Variants in BBS9 observed in about 807,000 individuals in gnomAD.
BBS9 encodes the protein protein PTHB1.
Under a neutral mutation model 117.7 loss-of-function variants are expected in BBS9, and 89 were observed. The ratio of observed to expected loss-of-function variants is 0.76; its 90% CI spans 0.64 to 0.90. The LOEUF (loss-of-function observed/expected upper bound fraction) is 0.90, where lower values mean the gene tolerates loss of function less well. Among genes scored for constraint, BBS9 ranks in the 40% least tolerant of loss-of-function variants. The pLI, the probability that BBS9 is intolerant of heterozygous loss-of-function variation, is 0.00. For missense variants in BBS9, 982 were observed against 1,042.2 expected (o/e 0.94, Z 0.80); for synonymous variants, 379 against 370.9 (o/e 1.02, Z -0.25).
At chr7:33,594,519 A>T (rs1862421418) in intron 21 of BBS9, among the ~76,000 whole-genome samples, 1 of 152,076 alleles carries the variant, frequency 6.6e-6, no homozygotes, top group East Asian at 1.9e-4. Flanking sequence ...GGCACTGGAA[A>T]CCTAAGACTA....
chr7:33,285,778 G>A (rs535467105), intron 9 of BBS9, among the ~76,000 whole-genome samples: 1 of 152,132 alleles, frequency 6.6e-6, no homozygotes, highest in South Asian at 2.1e-4. Context: ...AAAAGACCTT[G>A]TAGGAATCAT....
At chr7:33,220,372 C>T (rs7802227) in intron 5 of BBS9, among the ~76,000 whole-genome samples, 3,126 of 152,082 alleles carry the variant, frequency 0.021, 115 homozygotes, top group African/African-American at 0.071. Flanking sequence ...TGACTTTGAC[C>T]CCTTGTTGCT....
chr7:33,152,784 G>A lies in BBS9; in HGVS notation c.196G>A (p.Glu66Lys), dbSNP rs773577974. ...AAAAACAGGAGATGGAGCTCAAGCC[G>A]AAGATTTGCTTCTAGAAGTGGATCT... is the stretch of plus-strand genomic sequence containing the variant. The part of the protein sequence containing the change: ...PAKTGDGAQA[E>K]DLLLEVDLRD... Residue 66 changes from glutamate to lysine, a missense_variant, in exon 3 of 23, where the codon GAA (glutamate) becomes AAA (lysine). Transcript: ENST00000242067. The A allele has an allele frequency of 7.4e-6, 12 of 1,613,530 alleles. No individual in the cohort carries two copies. Among genetic ancestry groups the A allele is most frequent in the South Asian group, 6.6e-5 (6 of 91,070 alleles).
chr7:33,321,964 C>T (rs1171644783), intron 9 of BBS9, among the ~76,000 whole-genome samples: 3 of 151,892 alleles, frequency 2.0e-5, no homozygotes, highest in Non-Finnish European at 4.4e-5. Flanking sequence ...CTTTTTTCAG[C>T]ATCAATCGAA....
chr7:33,477,215 A>G (rs987914315), intron 19 of BBS9, among the ~76,000 whole-genome samples: 4 of 152,222 alleles, frequency 2.6e-5, no homozygotes, highest in African/African-American at 4.8e-5. Flanking sequence ...AGTAATTGGC[A>G]TATCATAAGT....
chr7:33,289,124 C>T (rs993759151), intron 9 of BBS9, among the ~76,000 whole-genome samples: 4 of 152,060 alleles, frequency 2.6e-5, no homozygotes, highest in South Asian at 2.1e-4. Context: ...CAGATTAGTG[C>T]GATTCAATAT....
intron 21 of BBS9, among the ~76,000 whole-genome samples, chr7:33,621,551 G>T (rs1204152717): frequency 3.3e-5 from 5 of 152,142 alleles, no homozygotes; most frequent in Admixed American, 6.5e-5. Flanking sequence ...CGAGAAAGTG[G>T]AGTAAAAGGA....
chr7:33,304,688 C>T (rs1322247221), intron 9 of BBS9, among the ~76,000 whole-genome samples: 6 of 151,384 alleles, frequency 4.0e-5, no homozygotes, highest in East Asian at 2.0e-4. Flanking sequence ...GCGGTTTTGT[C>T]GAAAAGAAAA....
At chr7:33,202,893 A>T (rs778896938) in intron 5 of BBS9, among the ~76,000 whole-genome samples, 32 of 152,222 alleles carry the variant, frequency 2.1e-4, no homozygotes, top group Non-Finnish European at 2.8e-4. Context: ...TCAGCATCTG[A>T]GATAATGTCT....
intron 21 of BBS9, among the ~76,000 whole-genome samples, chr7:33,592,434 C>T (rs1371312287): frequency 6.6e-6 from 1 of 152,030 alleles, no homozygotes; most frequent in Non-Finnish European, 1.5e-5. Flanking sequence ...TTTCTATGAT[C>T]AATGGTTTAG....
chr7:33,525,757 T>G (rs2129048572), intron 20 of BBS9, among the ~76,000 whole-genome samples: 1 of 126,294 alleles, frequency 7.9e-6, no homozygotes, highest in East Asian at 2.3e-4. Flanking sequence ...CATTTAAAGT[T>G]AATATTGTTA....
At chr7:33,431,538 G>T (rs1235151862) in intron 19 of BBS9, among the ~76,000 whole-genome samples, 1 of 152,156 alleles carries the variant, frequency 6.6e-6, no homozygotes, top group African/African-American at 2.4e-5. Context: ...TAGGATCAGT[G>T]CCTCCATAAG....
chr7:33,371,649 G>A (rs1822882494), intron 17 of BBS9, among the ~76,000 whole-genome samples: 1 of 152,070 alleles, frequency 6.6e-6, no homozygotes, highest in African/African-American at 2.4e-5. Flanking sequence ...TCTGTAACAG[G>A]AGGGATCGTA....
chr7:33,376,730 T>A (rs1293229851), intron 17 of BBS9, among the ~76,000 whole-genome samples: 1 of 152,120 alleles, frequency 6.6e-6, no homozygotes, highest in Non-Finnish European at 1.5e-5. Flanking sequence ...ATTTTTAATA[T>A]TAACATTTCT....
intron 16 of BBS9, among the ~76,000 whole-genome samples, chr7:33,364,617 C>G (rs1584501986): frequency 7.4e-6 from 1 of 134,488 alleles, no homozygotes; most frequent in East Asian, 2.3e-4. Context: ...TATATTTTCC[C>G]CCTTCCCCCT....
chr7:33,358,783 T>G (rs556860965), intron 16 of BBS9, among the ~76,000 whole-genome samples: 1 of 152,094 alleles, frequency 6.6e-6, no homozygotes, highest in African/African-American at 2.4e-5. Context: ...GGCTAGGAGA[T>G]GCATCTTCAC....
intron 17 of BBS9, among the ~76,000 whole-genome samples, chr7:33,381,942 A>G (rs1465203926): frequency 6.6e-6 from 1 of 152,206 alleles, no homozygotes; most frequent in Non-Finnish European, 1.5e-5. Context: ...AATCCGAAGA[A>G]GTAATTGCAT....
chr7:33,500,445 C>T (rs1845286859), intron 19 of BBS9, among the ~76,000 whole-genome samples: 3 of 152,246 alleles, frequency 2.0e-5, no homozygotes, highest in Admixed American at 2.0e-4. Flanking sequence ...TTCCCTTATT[C>T]ATGACCACAG....
intron 5 of BBS9, among the ~76,000 whole-genome samples, chr7:33,197,111 A>G (rs1785072883): frequency 6.6e-6 from 1 of 152,156 alleles, no homozygotes; most frequent in African/African-American, 2.4e-5. Flanking sequence ...TTGTTTGAAA[A>G]AAAAAATAAT....
Sources: gnomAD v4.1 joint callset for allele counts (sites outside exome capture counted in the v4.1 genomes callset) on GRCh38, gnomAD v4.1.1 for gene constraint, MANE v1.5 for transcripts, NCBI Gene and HGNC (gene_info 2026-07-23, HGNC 2026-07-21) for gene names.